The following HDAC4 variants were observed in gnomAD, a reference collection of about 807,000 sequenced individuals.
HDAC4 encodes the protein histone deacetylase A.
Under a neutral mutation model 135.1 loss-of-function variants are expected in HDAC4, and 16 were observed. The ratio of observed to expected loss-of-function variants is 0.12; its 90% CI spans 0.08 to 0.18. The LOEUF is 0.18. HDAC4 is among the 10% of genes least tolerant of loss of function. The probability of loss-of-function intolerance (pLI) is 1.00; values close to 1 mark genes in which losing one functional copy is unlikely to be tolerated. For missense variants in HDAC4, 1,143 were observed against 1,511.8 expected (o/e 0.76, Z 4.05); for synonymous variants, 685 against 653.4 (o/e 1.05, Z -0.74).
At chr2:239,339,521 A>C (rs1692162573) in intron 2 of HDAC4, among the ~76,000 whole-genome samples, 1 of 152,150 alleles carries the variant, frequency 6.6e-6, no homozygotes, top group Non-Finnish European at 1.5e-5. Flanking sequence ...CACCAAAGCC[A>C]TGCTCTCTCG....
chr2:239,099,738 G>A (rs1179270731), intron 16 of HDAC4, among the ~76,000 whole-genome samples: 2 of 152,194 alleles, frequency 1.3e-5, no homozygotes, highest in African/African-American at 4.8e-5. Context: ...TCCCCAAGGA[G>A]CGCGTGCCCC....
intron 1 of HDAC4, among the ~76,000 whole-genome samples, chr2:239,378,652 C>G (rs1435564627): frequency 6.6e-6 from 1 of 151,946 alleles, no homozygotes; most frequent in Admixed American, 6.6e-5. Context: ...CCCCGGGAAC[C>G]AATGACCCCG....
At chr2:239,066,617 A>G (rs541716487) in intron 24 of HDAC4, 105 bp downstream of exon 24, 270 of 1,502,490 alleles carry the variant, frequency 1.8e-4, no homozygotes, top group Admixed American at 2.3e-4. Flanking sequence ...CCACGTGGTC[A>G]GAGACCCACT....
intron 19 of HDAC4, among the ~76,000 whole-genome samples, chr2:239,084,506 C>T (rs1164733976): frequency 6.9e-6 from 1 of 145,418 alleles, no homozygotes; most frequent in African/African-American, 2.5e-5. Context: ...AAACAAGCCA[C>T]TGGGGAATCT....
At chr2:239,111,356 G>A (rs1182927299) in intron 14 of HDAC4, among the ~76,000 whole-genome samples, 170 bp downstream of exon 14, 4 of 152,290 alleles carry the variant, frequency 2.6e-5, no homozygotes, top group Non-Finnish European at 4.4e-5. Context: ...GGTGTAGGGC[G>A]GGGAGAGGGC....
chr2:239,101,835 C>T (rs545655380), intron 16 of HDAC4, among the ~76,000 whole-genome samples: 2 of 151,786 alleles, frequency 1.3e-5, no homozygotes, highest in African/African-American at 4.8e-5. Flanking sequence ...GTCCTGGGAG[C>T]CCCCGGCCCC....
At chr2:239,346,894 CT>C (rs1270374181) in intron 2 of HDAC4, among the ~76,000 whole-genome samples, 260 of 149,596 alleles carry the variant, frequency 1.7e-3, no homozygotes, top group African/African-American at 5.7e-3. Flanking sequence ...CACACACACC[CT>C]GTCTCTCACA....
intron 2 of HDAC4, among the ~76,000 whole-genome samples, chr2:239,283,637 A>T (rs958923974): frequency 6.6e-6 from 1 of 152,208 alleles, no homozygotes; most frequent in Non-Finnish European, 1.5e-5. Flanking sequence ...ATTTGTTTTA[A>T]TGTGACTTAT....
chr2:239,067,707 G>A (rs763917073), intron 23 of HDAC4, among the ~76,000 whole-genome samples: 3 of 152,168 alleles, frequency 2.0e-5, no homozygotes, highest in Non-Finnish European at 2.9e-5. Context: ...CACAGCCACC[G>A]AGGGCTGCCT....
At chr2:239,292,180 C>T (rs1022859175) in intron 2 of HDAC4, among the ~76,000 whole-genome samples, 13 of 152,160 alleles carry the variant, frequency 8.5e-5, no homozygotes, top group African/African-American at 2.2e-4. Context: ...CCAAGTGTTC[C>T]GGTGTTTTGT....
intron 1 of HDAC4, among the ~76,000 whole-genome samples, chr2:239,368,592 G>A (rs543209138): frequency 3.3e-5 from 5 of 152,190 alleles, no homozygotes; most frequent in South Asian, 2.1e-4. Flanking sequence ...AAGGGCCTCC[G>A]TCCTGAGGAG....
intron 12 of HDAC4, among the ~76,000 whole-genome samples, chr2:239,118,727 T>C (rs774387426): frequency 3.9e-5 from 6 of 152,230 alleles, no homozygotes; most frequent in Middle Eastern, 3.4e-3. Flanking sequence ...ATGCGACTGT[T>C]TCCGGTTAGA....
chr2:239,304,865 T>C (rs1443461375), intron 2 of HDAC4, among the ~76,000 whole-genome samples: 5 of 152,058 alleles, frequency 3.3e-5, no homozygotes, highest in Admixed American at 6.6e-5. Context: ...ATATAATATA[T>C]ATACACACAC....
In HDAC4 at chr2:239,397,352, C is replaced by A. The variant is rs150258769; in HGVS notation, c.-220+3626G>T. Among the ~76,000 whole-genome samples, 34 of 152,322 alleles carry A rather than the reference C, an allele frequency of 2.2e-4. No individual in the cohort carries two copies. The East Asian group carries it at 5.8e-3, about 26-fold the overall frequency. On this transcript the variant is annotated intron_variant, in intron 1 of 26. Coordinates refer to ENST00000543185, the MANE Select transcript of HDAC4 (RefSeq NM_001378414.1). ...TACATGGTGAGTGCATGAAACAGCA[C>A]GAGCCCCAAGCAGGTGCTCATCTGG...
chr2:239,063,116 A>C (rs1345764582), intron 24 of HDAC4, among the ~76,000 whole-genome samples: 1 of 151,974 alleles, frequency 6.6e-6, no homozygotes, highest in Non-Finnish European at 1.5e-5. Flanking sequence ...TCCCGGGGTC[A>C]CGCACCCAGG....
intron 2 of HDAC4, among the ~76,000 whole-genome samples, chr2:239,266,698 T>C (rs2049752552): frequency 6.6e-6 from 1 of 152,126 alleles, no homozygotes; most frequent in Non-Finnish European, 1.5e-5. Context: ...ACATTCTACA[T>C]CTGCCTCTTG....
intron 1 of HDAC4, among the ~76,000 whole-genome samples, chr2:239,372,507 G>T (rs1694697139): frequency 6.6e-6 from 1 of 152,148 alleles, no homozygotes. Context: ...CACACACACA[G>T]ACAGGCTTCG....
intron 6 of HDAC4, among the ~76,000 whole-genome samples, chr2:239,159,301 G>A (rs889835158): frequency 3.0e-5 from 4 of 132,932 alleles, no homozygotes; most frequent in East Asian, 2.4e-4. Flanking sequence ...CACTACTCAC[G>A]CCCAACTACA....
rs928451231 is a variant in HDAC4 at position 239,276,239 on chromosome 2, G to A, written c.23-39575C>T. On this transcript the variant is annotated intron_variant, in intron 2 of 26. Transcript: ENST00000543185. ...TCTTACAGAGGCAGGGAGAGGCCCC[G>A]AACCAGAGAGCGGGTGCGGACCCTT... Among the ~76,000 whole-genome samples the A allele has an allele frequency of 9.8e-5, 15 of 152,360 alleles. 1 individual carries two copies. Among genetic ancestry groups the A allele is most frequent in the Admixed American group, 5.9e-4 (9 of 15,306 alleles).
Sources: gnomAD v4.1 joint callset for allele counts (sites outside exome capture counted in the v4.1 genomes callset) on GRCh38, gnomAD v4.1.1 for gene constraint, MANE v1.5 for transcripts, NCBI Gene and HGNC (gene_info 2026-07-23, HGNC 2026-07-21) for gene names.